The following PRRX2 variants were observed in gnomAD, a reference collection of about 807,000 sequenced individuals.
The protein encoded by PRRX2 is paired related homeobox 2, also known as paired mesoderm homeobox protein 2.
In PRRX2, 11 loss-of-function variants were observed where a neutral mutation model predicts 18.0. The ratio of observed to expected loss-of-function variants is 0.61; its 90% confidence interval spans 0.39 to 1.01. The LOEUF is 1.01. PRRX2 is among the 50% of genes least tolerant of loss of function. The pLI, the probability that PRRX2 is intolerant of heterozygous loss-of-function variation, is 0.01. For synonymous variants in PRRX2, 177 were observed against 154.8 expected (o/e 1.14, Z -1.06); for missense variants, 387 against 351.0 (o/e 1.10, Z -0.82).
chr9:129,702,706 G>C (rs535028589), intron 1 of PRRX2, among the ~76,000 whole-genome samples: 1 of 152,354 alleles, frequency 6.6e-6, no homozygotes, highest in South Asian at 2.1e-4. Flanking sequence ...GAACTTGCGG[G>C]TGAGGGAGTG....
chr9:129,697,978 C>G (rs1832448267), intron 1 of PRRX2, among the ~76,000 whole-genome samples: 1 of 151,700 alleles, frequency 6.6e-6, no homozygotes, highest in Admixed American at 6.6e-5. Flanking sequence ...TTTTAAGCGC[C>G]GGGATTCGGA....
chr9:129,691,043 G>A (rs28662970), intron 1 of PRRX2, among the ~76,000 whole-genome samples: 34,942 of 151,698 alleles, frequency 0.23, 5,997 homozygotes, highest in African/African-American at 0.47. Context: ...AAAAATTAAG[G>A]CCCGGACACA....
In PRRX2 at chr9:129,665,934, C is replaced by T. The variant is rs1177701164; in HGVS notation, c.67C>T (p.Pro23Ser). 4.4e-6 allele frequency: 5 copies of T among 1,124,802 alleles called. No homozygotes were observed. The highest frequency in any genetic ancestry group is 5.4e-6 in the Non-Finnish European group (5 of 917,552). The allele number at this position is 1,124,802 out of a possible 1,614,324, so 69.7% of individuals were successfully genotyped here. Residue 23 changes from proline (P) to serine (S), a missense_variant, in exon 1 of 4, where the codon CCA (proline) becomes TCA (serine). Transcript: ENST00000372469. This position sits in a 1 kb window ranked among gnomAD's most constrained non-coding sequence, Gnocchi z 5.3. The stretch of plus-strand genomic sequence containing the variant: ...GCTGGGCCCGGGGCCGCCGCCGCCT[C>T]CACCCGCGCTGGGGCCCGGCGACTG... ...PALGPGPPPP[P>S]PALGPGDCAQ...
intron 1 of PRRX2, among the ~76,000 whole-genome samples, chr9:129,707,457 C>T (rs1370960366): frequency 6.6e-6 from 1 of 152,050 alleles, no homozygotes; most frequent in Non-Finnish European, 1.5e-5. Context: ...AGTTGAAGGA[C>T]ATGTGGGTTG....
At position 129,675,659 on chromosome 9, in the gene PRRX2, G is replaced by A. The variant is rs963479614; in HGVS notation, c.259+9533G>A. Among the ~76,000 whole-genome samples the A allele has an allele frequency of 2.5e-5, 3 of 121,254 alleles. No homozygotes were observed. Among genetic ancestry groups the A allele is most frequent in the Non-Finnish European group, 5.0e-5 (3 of 60,022 alleles). 79.5% of individuals were successfully genotyped at this position (121,254 alleles called of 152,430 possible). ...CTCCCCCACTGCCGGTCTCCCCCTC[G>A]CTGGCCTCCCTTCTTGCCGTGGGCG... On this transcript the variant is annotated intron_variant, in intron 1 of 3. Transcript: ENST00000372469. The surrounding 1 kb of genome is among the most constrained non-coding windows in gnomAD (Gnocchi z 4.4).
intron 1 of PRRX2, among the ~76,000 whole-genome samples, chr9:129,701,953 TAGTC>T (rs1039322632): frequency 5.3e-5 from 8 of 151,932 alleles, no homozygotes; most frequent in East Asian, 1.9e-4. Flanking sequence ...ACAAAAAAAT[TAGTC>T]AGGCCTGATG....
At chr9:129,720,359 G>T (rs924834987) in intron 2 of PRRX2, among the ~76,000 whole-genome samples, 1 of 152,096 alleles carries the variant, frequency 6.6e-6, no homozygotes, top group Non-Finnish European at 1.5e-5. Flanking sequence ...CTCTCCATTC[G>T]TTCTCATTCT....
intron 1 of PRRX2, among the ~76,000 whole-genome samples, chr9:129,698,484 C>A (rs1044625059): frequency 6.6e-6 from 1 of 152,092 alleles, no homozygotes; most frequent in East Asian, 1.9e-4. Flanking sequence ...GTGAAACACA[C>A]GTGGCAAGAG....
At chr9:129,713,340 A>G (rs375716168) in intron 1 of PRRX2, 2 of 152,174 alleles carry the variant, frequency 1.3e-5, no homozygotes, top group Admixed American at 6.5e-5. Context: ...GCTACACTCA[A>G]CTCCTCACAG....
At position 129,715,665 on chromosome 9, in the gene PRRX2, C is replaced by A. The variant is rs1832694617; in HGVS notation, c.260-3566C>A. On this transcript the variant is annotated intron_variant, in intron 1 of 3. Transcript: ENST00000372469. The surrounding 1 kb of genome is among the most constrained non-coding windows in gnomAD (Gnocchi z 4.0). ...ATCCTAGTAGCACCCCTTCCCCAGT[C>A]CTAACGATCAAAAATGTCTCACAGG... Among the ~76,000 whole-genome samples, 1 of 151,952 alleles carries A rather than the reference C, an allele frequency of 6.6e-6. No individual in the cohort carries two copies. Among genetic ancestry groups the A allele is most frequent in the African/African-American group, 2.4e-5 (1 of 41,340 alleles).
Position 129,715,566 on chromosome 9 carries a change from G to C in PRRX2, c.260-3665G>C, listed in dbSNP as rs2130933735. ...CGATTGCGCCACTGCACTCCAGCTTGGGCAACAGAGTGAGACCCTGTCTCA... is the reference window on the plus strand; with the variant it reads ...CGATTGCGCCACTGCACTCCAGCTTCGGCAACAGAGTGAGACCCTGTCTCA... On this transcript the variant is annotated intron_variant, in intron 1 of 3. Coordinates refer to ENST00000372469, the MANE Select transcript of PRRX2 (RefSeq NM_016307.4). The surrounding 1 kb of genome is among the most constrained non-coding windows in gnomAD (Gnocchi z 4.0). Among the ~76,000 whole-genome samples the C allele has an allele frequency of 6.6e-6, 1 of 152,226 alleles. No homozygotes were observed. The highest frequency in any genetic ancestry group is 2.4e-5 in the African/African-American group (1 of 41,534).
intron 1 of PRRX2, among the ~76,000 whole-genome samples, chr9:129,691,227 C>T (rs911825974): frequency 6.7e-6 from 1 of 149,902 alleles, no homozygotes; most frequent in Non-Finnish European, 1.5e-5. Flanking sequence ...ATCCCAGCTA[C>T]ATGGGAGGCT....
intron 1 of PRRX2, among the ~76,000 whole-genome samples, chr9:129,700,716 C>T (rs1391053350): frequency 6.6e-6 from 1 of 152,148 alleles, no homozygotes; most frequent in Non-Finnish European, 1.5e-5. Context: ...CTCCCGGGCT[C>T]AAGTGATCCT....
At chr9:129,705,173 C>T (rs1218781519) in intron 1 of PRRX2, among the ~76,000 whole-genome samples, 4 of 143,912 alleles carry the variant, frequency 2.8e-5, no homozygotes, top group Non-Finnish European at 6.0e-5. Flanking sequence ...AGGTGCCCCC[C>T]TCTCTAGAGC....
At chr9:129,717,695 CAAAAAAAAA>C (rs568330077) in intron 1 of PRRX2, among the ~76,000 whole-genome samples, 4 of 82,522 alleles carry the variant, frequency 4.8e-5, no homozygotes, top group Admixed American at 1.5e-4. Context: ...GACTCCGCCT[CAAAAAAAAA>C]AAAAAAAAAA....
At chr9:129,674,071 C>T (rs1398868434) in intron 1 of PRRX2, among the ~76,000 whole-genome samples, 1 of 152,126 alleles carries the variant, frequency 6.6e-6, no homozygotes, top group East Asian at 1.9e-4. Flanking sequence ...CCCGCTCTAG[C>T]CAGAACCCAG....
rs1426541567 is a variant in PRRX2 at position 129,665,924 on chromosome 9, G to A, written c.57G>A (p.Pro19=). ...ACAAGCCGGCGCTGGGCCCGGGGCC[G>A]CCGCCGCCTCCACCCGCGCTGGGGC... is the stretch of plus-strand genomic sequence containing the variant. ...ALDKPALGPG[P]PPPPPALGPG... Residue 19 remains proline (P), a synonymous_variant, in exon 1 of 4, where the codon CCG becomes CCA. Coordinates refer to ENST00000372469, the MANE Select transcript of PRRX2 (RefSeq NM_016307.4). The surrounding 1 kb of genome is among the most constrained non-coding windows in gnomAD (Gnocchi z 5.3). The A allele has an allele frequency of 3.6e-6, 4 of 1,114,518 alleles. No individual in the cohort carries two copies. The highest frequency in any genetic ancestry group is 2.7e-5 in the South Asian group (1 of 37,506). The allele number at this position is 1,114,518 out of a possible 1,614,324, so 69.0% of individuals were successfully genotyped here.
At chr9:129,674,274 GGC>G (rs1374458826) in intron 1 of PRRX2, among the ~76,000 whole-genome samples, 1 of 152,188 alleles carries the variant, frequency 6.6e-6, no homozygotes, top group African/African-American at 2.4e-5. Flanking sequence ...GGGTCCCCAT[GGC>G]GCCCTTGATG....
chr9:129,679,336 T>C (rs1832199953), intron 1 of PRRX2, among the ~76,000 whole-genome samples: 1 of 152,034 alleles, frequency 6.6e-6, no homozygotes, highest in South Asian at 2.1e-4. Flanking sequence ...TTGAGCTGGG[T>C]GACGGTGGCA....
Sources: gnomAD v4.1 joint callset for allele counts (sites outside exome capture counted in the v4.1 genomes callset) on GRCh38, gnomAD v4.1.1 for gene constraint, Gnocchi (gnomAD v3.1) non-coding constraint, MANE v1.5 for transcripts, NCBI Gene and HGNC (gene_info 2026-07-23, HGNC 2026-07-21) for gene names.